Variants in NECTIN1 observed in about 807,000 individuals in gnomAD.
The protein encoded by NECTIN1 is nectin-1.
Under a neutral mutation model 48.0 loss-of-function variants are expected in NECTIN1, and 23 were observed. That is an observed-to-expected ratio of 0.48 (90% CI 0.34 to 0.68). The LOEUF (loss-of-function observed/expected upper bound fraction) is 0.68, where lower values mean the gene tolerates loss of function less well. Ranked by LOEUF, NECTIN1 falls within the 30% of genes least tolerant of loss-of-function variation. The pLI, the probability that NECTIN1 is intolerant of heterozygous loss-of-function variation, is 0.01. For missense variants in NECTIN1, 591 were observed against 709.9 expected, an observed-to-expected ratio of 0.83 and a Z score of 1.90; for synonymous variants, 270 against 288.9, an observed-to-expected ratio of 0.93 and a Z score of 0.66.
At position 119,680,205 on chromosome 11, in the gene NECTIN1, A is replaced by C. The variant is rs117878754; in HGVS notation, c.80-1440T>G. Among the ~76,000 whole-genome samples, 566 of 151,976 alleles carry C rather than the reference A, an allele frequency of 3.7e-3. 6 individuals carry two copies. The East Asian group carries it at 0.049, about 13-fold the overall frequency. On this transcript the variant is annotated intron_variant, in intron 1 of 5. Coordinates refer to ENST00000264025, the MANE Select transcript of NECTIN1 (RefSeq NM_002855.5). The stretch of plus-strand genomic sequence containing the variant: ...TTTTTTTGGGCTTCCTTACCCCTGA[A>C]CTTGGCTCAGCTCCCTTAACGTGGG...
chr11:119,725,518 A>G (rs1222119650), intron 1 of NECTIN1, among the ~76,000 whole-genome samples: 1 of 152,180 alleles, frequency 6.6e-6, no homozygotes, highest in African/African-American at 2.4e-5. Flanking sequence ...ATAAATGGGT[A>G]AGGAGATTCC....
chr11:119,682,740 C>T (rs1484301400), intron 1 of NECTIN1, among the ~76,000 whole-genome samples: 1 of 152,176 alleles, frequency 6.6e-6, no homozygotes, highest in Non-Finnish European at 1.5e-5. Context: ...TCATTAGATG[C>T]TAGCTTCCAT....
chr11:119,649,986 AAG>A (rs960638563), intron 5 of NECTIN1, among the ~76,000 whole-genome samples: 3 of 152,160 alleles, frequency 2.0e-5, no homozygotes, highest in African/African-American at 7.2e-5. Flanking sequence ...TGAGTCCAAA[AAG>A]AGAGTCAGCG....
At chr11:119,676,679 TG>T in intron 4 of NECTIN1, 1 of 264,114 alleles carries the variant, frequency 3.8e-6, no homozygotes, top group Non-Finnish European at 7.5e-6. Flanking sequence ...CCCAAGAATC[TG>T]GGGGTGCCAG....
chr11:119,673,002 T>C lies in NECTIN1; in HGVS notation c.1003+2157A>G, dbSNP rs11217386. Among the ~76,000 whole-genome samples the C allele has an allele frequency of 5.5e-3, 843 of 152,124 alleles. 6 individuals are homozygous for C. The highest frequency in any genetic ancestry group is 0.049 in the East Asian group (250 of 5,138). On this transcript the variant is annotated intron_variant, in intron 5 of 5. Coordinates refer to ENST00000264025, the MANE Select transcript of NECTIN1 (RefSeq NM_002855.5). The surrounding 1 kb of genome is among the most constrained non-coding windows in gnomAD (Gnocchi z 5.8). ...TTTCCCTTTCCAGATGTGCCCAGGGTAAAGTTATTACCCGAACGAATGCCC... is the reference window on the plus strand; with the variant it reads ...TTTCCCTTTCCAGATGTGCCCAGGGCAAAGTTATTACCCGAACGAATGCCC...
intron 6 of NECTIN1, chr11:119,638,923 C>T: frequency 3.3e-6 from 3 of 900,382 alleles, no homozygotes; most frequent in Non-Finnish European, 5.3e-6. Flanking sequence ...CCCGGGAGCT[C>T]TGCTTCCCAG....
chr11:119,717,241 T>G (rs1277765486), intron 1 of NECTIN1, among the ~76,000 whole-genome samples: 1 of 152,100 alleles, frequency 6.6e-6, no homozygotes, highest in Non-Finnish European at 1.5e-5. Flanking sequence ...TGGGGAACGG[T>G]GCTGTGGTCA....
At chr11:119,674,170 G>A (rs929345862) in intron 5 of NECTIN1, among the ~76,000 whole-genome samples, 2 of 152,124 alleles carry the variant, frequency 1.3e-5, no homozygotes, top group Admixed American at 1.3e-4. Flanking sequence ...AGCAACTGCC[G>A]ACCAGTCTTC....
downstream of NECTIN1, among the ~76,000 whole-genome samples, chr11:119,657,665 C>T (rs1364180646): frequency 6.9e-6 from 1 of 145,486 alleles, no homozygotes; most frequent in Non-Finnish European, 1.5e-5. Context: ...ATAATCCTAG[C>T]ACTTTGGGAG....
At chr11:119,702,548 CT>C in intron 1 of NECTIN1, among the ~76,000 whole-genome samples, 1 of 151,968 alleles carries the variant, frequency 6.6e-6, no homozygotes, top group East Asian at 1.9e-4. Flanking sequence ...CACTTGCCCC[CT>C]TCTAGTCCTA....
rs1013265611 is a variant in NECTIN1 at position 119,672,837 on chromosome 11, G to T, written c.1003+2322C>A. 2.6e-5 allele frequency among the ~76,000 whole-genome samples: 4 copies of T among 152,090 alleles called. No individual in the cohort carries two copies. The highest frequency in any genetic ancestry group is 9.7e-5 in the African/African-American group (4 of 41,416). ...CAACCACTCAGTGCTCCTTCCTCAG[G>T]GGCCCAGGTCCCCAAGAAGCCATGC... On this transcript the variant is annotated intron_variant, in intron 5 of 5. Transcript: ENST00000264025. This position sits in a 1 kb window ranked among gnomAD's most constrained non-coding sequence, Gnocchi z 4.3.
chr11:119,647,896 C>G (rs1429572347), intron 5 of NECTIN1, among the ~76,000 whole-genome samples: 2 of 151,746 alleles, frequency 1.3e-5, no homozygotes, highest in Non-Finnish European at 2.9e-5. Flanking sequence ...AACCCCAACT[C>G]TACTAAAAAT....
In NECTIN1 at chr11:119,727,500, C is replaced by T. The variant is rs1231808179; in HGVS notation, c.79+975G>A. On this transcript the variant is annotated intron_variant, in intron 1 of 5. Coordinates refer to ENST00000264025, the MANE Select transcript of NECTIN1 (RefSeq NM_002855.5). The surrounding 1 kb of genome is among the most constrained non-coding windows in gnomAD (Gnocchi z 4.1). ...GACCCACGCTTGGTGTCCAGTCAGC[C>T]GGCGAGCTCGGCAGCTTCCCCAGGG... Among the ~76,000 whole-genome samples the T allele has an allele frequency of 2.0e-5, 3 of 152,180 alleles. No individual in the cohort carries two copies. The highest frequency in any genetic ancestry group is 2.0e-4 in the Admixed American group (3 of 15,280).
Position 119,721,843 on chromosome 11 carries a change from T to C in NECTIN1, c.79+6632A>G, listed in dbSNP as rs906661936. Among the ~76,000 whole-genome samples, 5 of 152,322 alleles carry C rather than the reference T, an allele frequency of 3.3e-5. No homozygotes were observed. The South Asian group carries it at 1.0e-3, about 32-fold the overall frequency. ...CCTGGCCCCCAGGAACGTTCCATTG[T>C]TAGGCATCCTCTATTCTACACCAAC... On this transcript the variant is annotated intron_variant, in intron 1 of 5. Coordinates refer to ENST00000264025, the MANE Select transcript of NECTIN1 (RefSeq NM_002855.5).
intron 1 of NECTIN1, among the ~76,000 whole-genome samples, chr11:119,688,058 C>T (rs1482555919): frequency 2.0e-5 from 3 of 152,112 alleles, no homozygotes; most frequent in Admixed American, 1.3e-4. Flanking sequence ...AATCTATGAG[C>T]GCTGACTTTG....
intron 1 of NECTIN1, among the ~76,000 whole-genome samples, chr11:119,680,854 G>T (rs1865048378): frequency 6.6e-6 from 1 of 152,212 alleles, no homozygotes; most frequent in African/African-American, 2.4e-5. Context: ...TCCCTGGGCA[G>T]AGGCCCCATG....
In NECTIN1 at chr11:119,677,914, C is replaced by A; in HGVS notation, c.431-57G>T. 6.4e-7 allele frequency: 1 copy of A among 1,569,774 alleles called. No individual in the cohort carries two copies. Among genetic ancestry groups the A allele is most frequent in the Non-Finnish European group, 8.7e-7 (1 of 1,144,516 alleles). The stretch of plus-strand genomic sequence containing the variant: ...GCCCTGTTGACTTGTCCAAGATGCA[C>A]CGGCCAAAAGGGCGTGGCATCCGTC... On this transcript the variant is annotated intron_variant, in intron 2 of 5. Transcript: ENST00000264025. The surrounding 1 kb of genome is among the most constrained non-coding windows in gnomAD (Gnocchi z 5.4).
At chr11:119,690,639 G>GT (rs1215673922) in intron 1 of NECTIN1, among the ~76,000 whole-genome samples, 1 of 152,248 alleles carries the variant, frequency 6.6e-6, no homozygotes. Context: ...GACTGCTGGG[G>GT]TAAGAGGCAA....
intron 1 of NECTIN1, among the ~76,000 whole-genome samples, chr11:119,682,290 C>T (rs1057086375): frequency 1.3e-5 from 2 of 152,084 alleles, no homozygotes; most frequent in Non-Finnish European, 2.9e-5. Context: ...GGCAAGAATC[C>T]TGGAACAGGT....
Sources: gnomAD v4.1 joint callset for allele counts (sites outside exome capture counted in the v4.1 genomes callset) on GRCh38, gnomAD v4.1.1 for gene constraint, Gnocchi (gnomAD v3.1) non-coding constraint, MANE v1.5 for transcripts, NCBI Gene and HGNC (gene_info 2026-07-23, HGNC 2026-07-21) for gene names.